Variants in TMTC2 observed in about 807,000 individuals in gnomAD.
TMTC2 encodes transmembrane O-mannosyltransferase targeting cadherins 2, also known as protein O-mannosyl-transferase TMTC2.
A neutral mutation model predicts 82.4 loss-of-function variants in TMTC2; 43 were observed. That is an observed-to-expected ratio of 0.52 (90% CI 0.41 to 0.67). The LOEUF is 0.67. Ranked by LOEUF, TMTC2 falls within the 30% of genes least tolerant of loss-of-function variation. TMTC2 has a pLI of 0.00. For synonymous variants in TMTC2, 408 were observed against 381.9 expected (o/e 1.07, Z -0.80); for missense variants, 919 against 1,012.4 (o/e 0.91, Z 1.25).
intron 4 of TMTC2, among the ~76,000 whole-genome samples, chr12:82,949,336 G>A (rs1327616263): frequency 6.6e-6 from 1 of 152,090 alleles, no homozygotes; most frequent in Non-Finnish European, 1.5e-5. Flanking sequence ...AATTTTGTTT[G>A]TTTTAAATAA....
At chr12:82,763,443 A>T (rs1399508031) in intron 1 of TMTC2, among the ~76,000 whole-genome samples, 1 of 152,138 alleles carries the variant, frequency 6.6e-6, no homozygotes, top group Non-Finnish European at 1.5e-5. Context: ...AAAACCAACC[A>T]CCCCAGTGAT....
chr12:82,974,536 T>C lies in TMTC2; in HGVS notation c.1948+7539T>C, dbSNP rs557186479. Among the ~76,000 whole-genome samples, 11 of 152,302 alleles carry C rather than the reference T, an allele frequency of 7.2e-5. No individual in the cohort carries two copies. The South Asian group carries it at 1.5e-3, about 20-fold the overall frequency. On this transcript the variant is annotated intron_variant, in intron 7 of 11. Coordinates refer to ENST00000321196, the MANE Select transcript of TMTC2 (RefSeq NM_152588.3). ...GTGTCAAGGAAATGAGAAGATATTCTTACACATATTTAGAATAGGCAACTG... is the reference window on the plus strand; with the variant it reads ...GTGTCAAGGAAATGAGAAGATATTCCTACACATATTTAGAATAGGCAACTG...
At chr12:83,009,931 T>A (rs1880378538) in intron 8 of TMTC2, among the ~76,000 whole-genome samples, 1 of 152,096 alleles carries the variant, frequency 6.6e-6, no homozygotes, top group Non-Finnish European at 1.5e-5. Flanking sequence ...ACAACAGGGT[T>A]TTGTGTTCCT....
chr12:83,021,009 GA>G (rs1237499744), intron 8 of TMTC2, among the ~76,000 whole-genome samples: 1 of 152,150 alleles, frequency 6.6e-6, no homozygotes, highest in Non-Finnish European at 1.5e-5. Flanking sequence ...ACATATTTAT[GA>G]AAGGTGAGTT....
intron 1 of TMTC2, among the ~76,000 whole-genome samples, chr12:82,815,706 G>A (rs1201768268): frequency 6.6e-6 from 1 of 152,012 alleles, no homozygotes; most frequent in East Asian, 1.9e-4. Context: ...AGGAATGAAA[G>A]TTTGTAGGCC....
intron 10 of TMTC2, 96 bp from the exon 11 acceptor site, chr12:83,061,672 A>T: frequency 4.4e-6 from 5 of 1,129,054 alleles, no homozygotes; most frequent in Non-Finnish European, 6.0e-6. Flanking sequence ...GTGTGACCAG[A>T]ATTTTTTTAA....
intron 11 of TMTC2, among the ~76,000 whole-genome samples, chr12:83,110,149 A>G (rs1472169633): frequency 6.6e-6 from 1 of 152,202 alleles, no homozygotes; most frequent in Non-Finnish European, 1.5e-5. Flanking sequence ...CTAACCATCT[A>G]TTAACATCTG....
chr12:82,749,223 CCTT>C (rs1357302136), intron 1 of TMTC2, among the ~76,000 whole-genome samples: 2 of 152,212 alleles, frequency 1.3e-5, no homozygotes. Flanking sequence ...GTTTTTATAA[CCTT>C]CTTTTCCTGC....
chr12:82,916,076 G>C (rs1874981846), intron 3 of TMTC2, among the ~76,000 whole-genome samples: 1 of 152,180 alleles, frequency 6.6e-6, no homozygotes, highest in South Asian at 2.1e-4. Flanking sequence ...AAAAGGTACT[G>C]GTTGGATGAC....
chr12:83,083,238 A>G (rs1413103108), intron 11 of TMTC2, among the ~76,000 whole-genome samples: 1 of 152,248 alleles, frequency 6.6e-6, no homozygotes, highest in Non-Finnish European at 1.5e-5. Flanking sequence ...CCGCCTGCCA[A>G]GCTACATAGA....
chr12:82,698,353 G>A (rs919821582), intron 1 of TMTC2, among the ~76,000 whole-genome samples: 1 of 152,128 alleles, frequency 6.6e-6, no homozygotes, highest in Non-Finnish European at 1.5e-5. Context: ...CATGAACTCA[G>A]TATTTTAATT....
intron 1 of TMTC2, among the ~76,000 whole-genome samples, chr12:82,701,754 C>T (rs1329588660): frequency 5.4e-5 from 8 of 147,476 alleles, no homozygotes; most frequent in African/African-American, 1.3e-4. Flanking sequence ...AGCAAAACTC[C>T]GTCTCAAAAA....
At position 83,053,260 on chromosome 12, in the gene TMTC2, A is replaced by G. The variant is rs117945680; in HGVS notation, c.2267+2242A>G. Reference sequence around the variant, plus strand: ...TAAGTTTGATATTCTTTTCTCAGGAACTATGTCCTTTTGAGAGATATTTAG... The same window carrying G: ...TAAGTTTGATATTCTTTTCTCAGGAGCTATGTCCTTTTGAGAGATATTTAG... On this transcript the variant is annotated intron_variant, in intron 10 of 11. Transcript: ENST00000321196. 3.9e-5 allele frequency among the ~76,000 whole-genome samples: 6 copies of G among 152,194 alleles called. No individual in the cohort carries two copies. The East Asian group carries it at 1.2e-3, about 29-fold the overall frequency.
intron 11 of TMTC2, among the ~76,000 whole-genome samples, chr12:83,116,153 T>A (rs1379700598): frequency 6.6e-6 from 1 of 152,198 alleles, no homozygotes; most frequent in African/African-American, 2.4e-5. Context: ...TAGCTCCCAC[T>A]TATGAGTGAG....
intron 1 of TMTC2, among the ~76,000 whole-genome samples, chr12:82,701,300 A>C (rs748002423): frequency 3.3e-5 from 5 of 152,164 alleles, no homozygotes; most frequent in Non-Finnish European, 7.3e-5. Context: ...GAATCTCAGG[A>C]ATACTTTTAT....
intron 3 of TMTC2, among the ~76,000 whole-genome samples, chr12:82,924,190 G>A (rs1875565354): frequency 1.3e-5 from 2 of 152,142 alleles, no homozygotes; most frequent in Admixed American, 1.3e-4. Context: ...AGAGAGAACA[G>A]CTACACCATG....
intron 2 of TMTC2, among the ~76,000 whole-genome samples, chr12:82,875,998 T>C (rs1407603358): frequency 7.1e-6 from 1 of 140,856 alleles, no homozygotes; most frequent in East Asian, 2.0e-4. Flanking sequence ...GTGGTGTTGG[T>C]ATTGGTAATG....
chr12:83,004,862 C>G (rs1200899931), intron 8 of TMTC2, among the ~76,000 whole-genome samples: 2 of 148,288 alleles, frequency 1.3e-5, no homozygotes, highest in Admixed American at 1.4e-4. Flanking sequence ...TGGTGGCTCA[C>G]GCCTGTAATT....
intron 2 of TMTC2, among the ~76,000 whole-genome samples, chr12:82,882,767 A>G (rs1872895853): frequency 1.3e-5 from 2 of 152,124 alleles, no homozygotes; most frequent in Non-Finnish European, 2.9e-5. Flanking sequence ...TTTAAAAACT[A>G]TAGTCTAGGG....
Sources: gnomAD v4.1 joint callset for allele counts (sites outside exome capture counted in the v4.1 genomes callset) on GRCh38, gnomAD v4.1.1 for gene constraint, MANE v1.5 for transcripts, NCBI Gene and HGNC (gene_info 2026-07-23, HGNC 2026-07-21) for gene names.